The following PLEKHM2 variants were observed in gnomAD, a reference collection of about 807,000 sequenced individuals.
PLEKHM2 encodes pleckstrin homology and RUN domain containing M2, also known as pleckstrin homology domain-containing family M member 2.
A neutral mutation model predicts 116.3 loss-of-function variants in PLEKHM2; 77 were observed. That is an observed-to-expected ratio of 0.66 (90% CI 0.55 to 0.80). PLEKHM2 has a LOEUF of 0.80. PLEKHM2 is among the 30% of genes least tolerant of loss of function. The pLI, the probability that PLEKHM2 is intolerant of heterozygous loss-of-function variation, is 0.00. For missense variants in PLEKHM2, 1,183 were observed against 1,354.9 expected (o/e 0.87, Z 1.99); for synonymous variants, 562 against 571.0 (o/e 0.98, Z 0.22).
chr1:15,725,884 C>T (rs1329496074), intron 8 of PLEKHM2: 3 of 325,418 alleles, frequency 9.2e-6, no homozygotes, highest in East Asian at 6.5e-5. Context: ...TGTGTTGTGG[C>T]GGGGAGTGGA....
chr1:15,733,322 G>A (rs2068173879), intron 19 of PLEKHM2, among the ~76,000 whole-genome samples: 2 of 152,268 alleles, frequency 1.3e-5, no homozygotes, highest in African/African-American at 4.8e-5. Context: ...GAATTGTGGT[G>A]GACCTCCAGC....
At chr1:15,715,678 C>T (rs1230266748) in intron 1 of PLEKHM2, among the ~76,000 whole-genome samples, 6 of 152,070 alleles carry the variant, frequency 3.9e-5, no homozygotes, top group Non-Finnish European at 7.4e-5. Context: ...AAAAAAGATA[C>T]TTTTCTAATA....
chr1:15,697,504 A>G (rs892722000), intron 1 of PLEKHM2, among the ~76,000 whole-genome samples: 4 of 152,238 alleles, frequency 2.6e-5, no homozygotes, highest in African/African-American at 9.6e-5. Context: ...TTTGGAAACC[A>G]TGTTCTGTCA....
chr1:15,716,621 C>A, intron 2 of PLEKHM2, 86 bp from the exon 3 acceptor site: 1 of 1,378,282 alleles, frequency 7.3e-7, no homozygotes. Context: ...TCACTTCCTG[C>A]CTTGCGCTCA....
At chr1:15,713,678 C>A (rs536060062) in intron 1 of PLEKHM2, among the ~76,000 whole-genome samples, 41 of 152,126 alleles carry the variant, frequency 2.7e-4, no homozygotes, top group African/African-American at 9.9e-4. Flanking sequence ...CTCTGTTGCC[C>A]AGGCTGGAGT....
chr1:15,727,274 C>T lies in PLEKHM2; in HGVS notation c.1202C>T (p.Thr401Ile). Residue 401 changes from threonine (T) to isoleucine (I), a missense_variant, in exon 9 of 20, where the codon ACC becomes ATC. Thr to Ile is a moderately conservative substitution (Grantham distance 89, BLOSUM62 -1). Coordinates refer to ENST00000375799, the MANE Select transcript of PLEKHM2 (RefSeq NM_015164.4). This position sits in a 1 kb window ranked among gnomAD's most constrained non-coding sequence, Gnocchi z 7.5. ...PGLLIPEMKD[T>I]SMERLGQPLS... ...CTGCTGATCCCTGAGATGAAGGACA[C>T]CTCCATGGAGCGCTTGGGGCAGCCC... 6.2e-7 allele frequency: 1 copy of T among 1,606,018 alleles called. No individual in the cohort carries two copies. Among genetic ancestry groups the T allele is most frequent in the South Asian group, 1.1e-5 (1 of 89,680 alleles).
rs778825416 is a variant in PLEKHM2 at position 15,727,738 on chromosome 1, G to A, written c.1666G>A (p.Asp556Asn). ...TQEVLCQLKR[D>N]QPSPCLSSAE... is the part of the protein sequence containing the mutation. ...GGAGGTTCTCTGCCAGCTCAAGCGA[G>A]ACCAGCCCAGCCCGTGTCTGAGTAG... is the stretch of plus-strand genomic sequence containing the variant. Residue 556 changes from aspartate to asparagine, a missense_variant, in exon 9 of 20, where the codon GAC becomes AAC. Asp to Asn is a conservative substitution (Grantham distance 23). Around this residue, in one of 3 missense-constraint regions of PLEKHM2, gnomAD observed 594 missense variants for 720.1 expected, o/e 0.82. Coordinates refer to ENST00000375799, the MANE Select transcript of PLEKHM2 (RefSeq NM_015164.4). The surrounding 1 kb of genome is among the most constrained non-coding windows in gnomAD (Gnocchi z 7.5). 2.5e-6 allele frequency: 4 copies of A among 1,601,892 alleles called. No individual in the cohort carries two copies. Among genetic ancestry groups the A allele is most frequent in the Non-Finnish European group, 3.4e-6 (4 of 1,175,192 alleles).
At chr1:15,731,034 C>T (rs985665645) in intron 15 of PLEKHM2, among the ~76,000 whole-genome samples, 158 bp from the exon 16 acceptor site, 3 of 152,222 alleles carry the variant, frequency 2.0e-5, no homozygotes, top group Non-Finnish European at 2.9e-5. Context: ...CCCCCAGGCC[C>T]TTCTTCACCC....
Position 15,719,753 on chromosome 1 carries a change from T to C in PLEKHM2, c.485T>C (p.Leu162Pro). ...CCTCAGGATGCCCCTTACCTAGACC[T>C]GGCCCCCTACATGCCCGACTACTAC... ...ELDLDAPYLD[L>P]APYMPDYYKP... The change falls in exon 6 of 20, where the codon CTG becomes CCG. Residue 162 changes from leucine (L) to proline (P), a missense_variant. Leu to Pro is a moderately conservative substitution (Grantham distance 98). Coordinates refer to ENST00000375799, the MANE Select transcript of PLEKHM2 (RefSeq NM_015164.4). The surrounding 1 kb of genome is among the most constrained non-coding windows in gnomAD (Gnocchi z 4.1). The C allele has an allele frequency of 6.2e-7, 1 of 1,612,766 alleles. No individual in the cohort carries two copies. The highest frequency in any genetic ancestry group is 8.5e-7 in the Non-Finnish European group (1 of 1,179,252).
In PLEKHM2 at chr1:15,721,451, T is replaced by C; in HGVS notation, c.712+63T>C. ...TGCAATGTTTCCATGCCAAGCTTGC[T>C]GCATGTATCAAATCAGCTCCTTATT... On this transcript the variant is annotated intron_variant, in intron 7 of 19. Coordinates refer to ENST00000375799, the MANE Select transcript of PLEKHM2 (RefSeq NM_015164.4). The surrounding 1 kb of genome is among the most constrained non-coding windows in gnomAD (Gnocchi z 5.1). 1 of 976,516 alleles carries C rather than the reference T, an allele frequency of 1.0e-6. No homozygotes were observed. Among genetic ancestry groups the C allele is most frequent in the Non-Finnish European group, 1.6e-6 (1 of 629,322 alleles). The allele number at this position is 976,516 out of a possible 1,614,324, so 60.5% of individuals were successfully genotyped here.
At chr1:15,683,708 C>G (rs1640694766), upstream of PLEKHM2, among the ~76,000 whole-genome samples, 1 of 148,248 alleles carries the variant, frequency 6.7e-6, no homozygotes, top group Non-Finnish European at 1.5e-5. Flanking sequence ...GTGGGGGTCC[C>G]CAGCAGGTGG....
Position 15,692,120 on chromosome 1 carries a change from GA to G in PLEKHM2, c.60+7512del, listed in dbSNP as rs930897708. Among the ~76,000 whole-genome samples, 679 of 149,480 alleles carry G rather than the reference GA, an allele frequency of 4.5e-3. 6 individuals carry two copies. Among genetic ancestry groups the G allele is most frequent in the African/African-American group, 0.013 (524 of 40,848 alleles). On this transcript the variant is annotated intron_variant, in intron 1 of 19. Coordinates refer to ENST00000375799, the MANE Select transcript of PLEKHM2 (RefSeq NM_015164.4). ...AGAGTGAGACCCTGTCTCGGCGGGG[GA>G]AAAAAAAAATTAGCTGGGGTAGCTC...
intron 1 of PLEKHM2, among the ~76,000 whole-genome samples, chr1:15,694,756 G>GT (rs111345595): frequency 0.18 from 26,574 of 144,104 alleles, 2,551 homozygotes; most frequent in African/African-American, 0.27. Context: ...ATTTTGTTTT[G>GT]TTTTTTTTTT....
rs571277456 is a variant in PLEKHM2, at chr1:15,732,289, G to A, written c.2626-61G>A. ...GGGCTGGCTGGTCCCCTGGAGTGTGGACTTCTGGTGCAGACCAGCCCTGGA... is the reference window on the plus strand; with the variant it reads ...GGGCTGGCTGGTCCCCTGGAGTGTGAACTTCTGGTGCAGACCAGCCCTGGA... On this transcript the variant is annotated intron_variant, in intron 17 of 19. Transcript: ENST00000375799. The A allele has an allele frequency of 4.4e-6, 6 of 1,375,852 alleles. No individual in the cohort carries two copies. The Admixed American group carries it at 1.3e-4, about 29-fold the overall frequency. The allele number at this position is 1,375,852 out of a possible 1,614,324, so 85.2% of individuals were successfully genotyped here.
intron 19 of PLEKHM2, among the ~76,000 whole-genome samples, chr1:15,733,058 A>T (rs1180951604): frequency 2.6e-5 from 4 of 152,236 alleles, no homozygotes; most frequent in African/African-American, 9.6e-5. Flanking sequence ...GTGGGACTCC[A>T]GCCCCGGTGG....
chr1:15,728,087 A>G lies in PLEKHM2; in HGVS notation c.1769A>G (p.Asn590Ser), dbSNP rs1162111357. The G allele has an allele frequency of 6.2e-7, 1 of 1,610,514 alleles. No individual in the cohort carries two copies. The highest frequency in any genetic ancestry group is 1.1e-5 in the South Asian group (1 of 90,246). Residue 590 changes from asparagine (N) to serine (S), a missense_variant, in exon 10 of 20, where the codon AAC (asparagine) becomes AGC (serine). Physicochemically the swap from Asn to Ser is conservative, Grantham distance 46 (BLOSUM62 1). Transcript: ENST00000375799. The surrounding 1 kb of genome is among the most constrained non-coding windows in gnomAD (Gnocchi z 5.9). ...TGACTTGGCCCTCACAGAGTAGACA[A>G]CAATCACCTGCTCCTGCTCATGATC... ...MVHSSEFRVDNNHLLLLMIHV... is the reference protein window; with the variant it reads ...MVHSSEFRVDSNHLLLLMIHV...
intron 1 of PLEKHM2, among the ~76,000 whole-genome samples, chr1:15,703,130 G>T (rs1264450671): frequency 1.3e-5 from 2 of 152,264 alleles, no homozygotes; most frequent in East Asian, 3.9e-4. Context: ...GGTCTCCATG[G>T]AGCCCACAGG....
rs777681927 is a variant in PLEKHM2 at position 15,725,520 on chromosome 1, G to A, written c.916G>A (p.Ala306Thr). 5 of 1,571,784 alleles carry A rather than the reference G, an allele frequency of 3.2e-6. No individual in the cohort carries two copies. The Admixed American group carries it at 5.5e-5, about 17-fold the overall frequency. The change falls in exon 8 of 20, where the codon GCC becomes ACC. Residue 306 changes from alanine (A) to threonine (T), a missense_variant. Physicochemically the swap from Ala to Thr is moderately conservative, Grantham distance 58. Transcript: ENST00000375799. Reference sequence around the variant, plus strand: ...GGCCCAGGCCCTGGACCCGCCGGATGCCTGCACGGAGCTCGAGGTCATCAG... The same window carrying A: ...GGCCCAGGCCCTGGACCCGCCGGATACCTGCACGGAGCTCGAGGTCATCAG... ...EEAQALDPPD[A>T]CTELEVIRVT...
intron 1 of PLEKHM2, among the ~76,000 whole-genome samples, chr1:15,699,349 C>A (rs562206325): frequency 3.4e-4 from 52 of 152,238 alleles, no homozygotes; most frequent in Non-Finnish European, 5.9e-4. Context: ...CCCTGCCCCC[C>A]ACCTCACGAT....
Sources: allele counts gnomAD v4.1 joint callset (sites outside exome capture counted in the v4.1 genomes callset), GRCh38; gene constraint gnomAD v4.1.1; regional missense constraint gnomAD v4.1.1; non-coding constraint Gnocchi (gnomAD v3.1); transcripts MANE v1.5; gene names NCBI Gene and HGNC (gene_info 2026-07-23, HGNC 2026-07-21).